The following RTN3 variants were observed in gnomAD, a reference collection of about 807,000 sequenced individuals.
RTN3 encodes reticulon-3.
Under a neutral mutation model 77.8 loss-of-function variants are expected in RTN3, and 49 were observed. That is an observed-to-expected ratio of 0.63 (90% CI 0.50 to 0.80). RTN3 has a LOEUF of 0.80. RTN3 is among the 30% of genes least tolerant of loss of function. The pLI is 0.00. For synonymous variants in RTN3, 464 were observed against 446.9 expected (o/e 1.04, Z -0.48); for missense variants, 1,236 against 1,211.9 (o/e 1.02, Z -0.29).
Position 63,758,177 on chromosome 11 carries a change from A to T in RTN3, c.3075A>T (p.Gly1025=). The T allele has an allele frequency of 6.2e-7, 1 of 1,609,264 alleles. No individual in the cohort carries two copies. The highest frequency in any genetic ancestry group is 1.1e-5 in the South Asian group (1 of 89,222). Residue 1025 remains glycine (G), a synonymous_variant, in exon 9 of 9, where the codon GGA becomes GGT. Coordinates refer to ENST00000377819, the MANE Select transcript of RTN3 (RefSeq NM_001265589.2). Reference sequence around the variant, plus strand: ...ATAGGATCCAAGCAAAACTCCCTGGAATCGCCAAAAAAAAGGCAGAATAAG... The same window carrying T: ...ATAGGATCCAAGCAAAACTCCCTGGTATCGCCAAAAAAAAGGCAGAATAAG... ...IVEKIQAKLP[G]IAKKKAE is the part of the protein sequence containing the mutation.
Position 63,756,175 on chromosome 11 carries a change from GTACATT to G in RTN3, c.3053+8_3053+13del. The G allele has an allele frequency of 6.2e-7, 1 of 1,604,348 alleles. No homozygotes were observed. Among genetic ancestry groups the G allele is most frequent in the South Asian group, 1.1e-5 (1 of 90,842 alleles). On this transcript the variant is annotated splice_donor_region_variant and intron_variant, in intron 8 of 8. Transcript: ENST00000377819. ...GACCAAGTCAATTGTTGAAAAGTAAGTACATTTAGAGACCACATCATCATGAGGTAT... is the reference window on the plus strand; with the variant it reads ...GACCAAGTCAATTGTTGAAAAGTAAGTAGAGACCACATCATCATGAGGTAT...
At chr11:63,704,561 G>A (rs1181920264) in intron 1 of RTN3, among the ~76,000 whole-genome samples, 1 of 151,810 alleles carries the variant, frequency 6.6e-6, no homozygotes, top group African/African-American at 2.4e-5. Context: ...TTGAGGTTGT[G>A]CTTAATGTAA....
intron 3 of RTN3, among the ~76,000 whole-genome samples, chr11:63,742,259 A>G (rs2013530128): frequency 6.7e-6 from 1 of 150,228 alleles, no homozygotes; most frequent in South Asian, 2.2e-4. Context: ...GATTACAGGC[A>G]TGAGCCACCG....
At chr11:63,714,398 T>C (rs1224012676) in intron 2 of RTN3, 1 of 162,938 alleles carries the variant, frequency 6.1e-6, no homozygotes, top group Non-Finnish European at 1.3e-5. Flanking sequence ...ATACCCTAAA[T>C]AGTAAGTTAT....
rs909242743 is a variant in RTN3 at position 63,716,384 on chromosome 11, A to G, written c.200-2318A>G. On this transcript the variant is annotated intron_variant, in intron 2 of 8. Transcript: ENST00000377819. The stretch of plus-strand genomic sequence containing the variant: ...AATCCCAAAAGAACTTCTCTGTCAC[A>G]TTTTCCCAGTTACTCATTCATGCTC... Among the ~76,000 whole-genome samples the G allele has an allele frequency of 5.9e-5, 9 of 152,310 alleles. No individual in the cohort carries two copies. In the East Asian group the frequency reaches 1.3e-3, roughly 23 times the overall value.
chr11:63,704,902 C>T lies in RTN3; in HGVS notation c.194C>T (p.Ser65Leu), dbSNP rs1298248225. The change falls in exon 2 of 9, where the codon TCA becomes TTA. Residue 65 changes from serine to leucine, a missense_variant. Transcript: ENST00000377819. Reference sequence around the variant, plus strand: ...CAGCCTGTATCTCTATTTTCGACCTCACAAGGCAAGTCTGTAATTTTTTTG... The same window carrying T: ...CAGCCTGTATCTCTATTTTCGACCTTACAAGGCAAGTCTGTAATTTTTTTG... ...SSQPVSLFSTSQEGLSSLCSD... is the reference protein window; with the variant it reads ...SSQPVSLFSTLQEGLSSLCSD... The T allele has an allele frequency of 1.2e-6, 2 of 1,610,524 alleles. No homozygotes were observed. Among genetic ancestry groups the T allele is most frequent in the African/African-American group, 1.3e-5 (1 of 74,922 alleles).
chr11:63,721,030 C>T lies in RTN3; in HGVS notation c.2528C>T (p.Ser843Leu). ...CTAGCAAGACTTCTGACAGACTTCT[C>T]AGGTAACCATTTATATTAGAATACT... ...HVLARLLTDF[S>L]VHDLIFWRDV... The change falls in exon 3 of 9, where the codon TCA (serine) becomes TTA (leucine). Residue 843 changes from serine (S) to leucine (L), a missense_variant and splice_region_variant. Ser to Leu is a moderately radical substitution (Grantham distance 145, BLOSUM62 -2). Coordinates refer to ENST00000377819, the MANE Select transcript of RTN3 (RefSeq NM_001265589.2). The T allele has an allele frequency of 1.9e-6, 3 of 1,584,714 alleles. No homozygotes were observed. The highest frequency in any genetic ancestry group is 2.6e-6 in the Non-Finnish European group (3 of 1,164,840).
At chr11:63,682,190 A>G (rs1377996462) in intron 1 of RTN3, among the ~76,000 whole-genome samples, 1 of 152,106 alleles carries the variant, frequency 6.6e-6, no homozygotes, top group Non-Finnish European at 1.5e-5. Flanking sequence ...TTTTGAGGGG[A>G]TGGTGGTGAA....
At chr11:63,727,918 C>T (rs1182521981) in intron 3 of RTN3, among the ~76,000 whole-genome samples, 2 of 152,170 alleles carry the variant, frequency 1.3e-5, no homozygotes, top group Non-Finnish European at 2.9e-5. Context: ...GAAAGACGCT[C>T]ATCAAACACC....
intron 3 of RTN3, among the ~76,000 whole-genome samples, chr11:63,723,681 C>T (rs1185851121): frequency 6.6e-6 from 1 of 152,096 alleles, no homozygotes; most frequent in Admixed American, 6.6e-5. Flanking sequence ...CCTGCGTTGG[C>T]CTCTCAAAGT....
intron 3 of RTN3, among the ~76,000 whole-genome samples, chr11:63,747,803 T>C (rs1156620521): frequency 6.6e-6 from 1 of 152,230 alleles, no homozygotes; most frequent in East Asian, 1.9e-4. Context: ...TCTTTATTCC[T>C]TAAACTCTAG....
chr11:63,709,688 C>A (rs1300031175), intron 2 of RTN3, among the ~76,000 whole-genome samples: 4 of 151,928 alleles, frequency 2.6e-5, no homozygotes, highest in Non-Finnish European at 4.4e-5. Flanking sequence ...TATTTTGATG[C>A]TGTGGCTGCA....
chr11:63,697,037 AC>A lies in RTN3; in HGVS notation c.143-7812del, dbSNP rs1238459979. On this transcript the variant is annotated intron_variant, in intron 1 of 8. Transcript: ENST00000377819. ...GTAGCTGGGACTACAGACGCCTGCC[AC>A]CATACCCGACTAATTTTTTGTATTT... Among the ~76,000 whole-genome samples, 5 of 150,434 alleles carry A rather than the reference AC, an allele frequency of 3.3e-5. No individual in the cohort carries two copies. In the East Asian group the frequency reaches 1.0e-3, roughly 30 times the overall value.
At chr11:63,756,081 C>T (rs1261980538) in intron 7 of RTN3, 31 bp from the exon 8 acceptor site, 1 of 1,557,066 alleles carries the variant, frequency 6.4e-7, no homozygotes, top group South Asian at 1.1e-5. Flanking sequence ...CTGTATGTTA[C>T]CACAACTGAA....
intron 2 of RTN3, 25 bp downstream of exon 2, chr11:63,704,932 C>A: frequency 8.9e-6 from 14 of 1,569,124 alleles, no homozygotes; most frequent in Non-Finnish European, 1.2e-5. Context: ...TTTTTGTGTG[C>A]ATTGGTAAAA....
At chr11:63,738,570 A>C (rs1325362871) in intron 3 of RTN3, among the ~76,000 whole-genome samples, 1 of 151,660 alleles carries the variant, frequency 6.6e-6, no homozygotes. Context: ...TGAGCTCGGG[A>C]AGTCGAGGCT....
At chr11:63,753,284 G>A (rs929049677) in intron 6 of RTN3, 146 bp downstream of exon 6, 19 of 706,294 alleles carry the variant, frequency 2.7e-5, no homozygotes, top group Non-Finnish European at 4.0e-5. Flanking sequence ...TGGAGGAACC[G>A]GAGTTTGTGG....
In RTN3 at chr11:63,720,969, A is replaced by G; in HGVS notation, c.2467A>G (p.Ser823Gly). ...RETTRVDAVSSLSKTELVKKH... is the reference protein window; with the variant it reads ...RETTRVDAVSGLSKTELVKKH... ...AACTACTAGGGTAGATGCTGTTTCC[A>G]GCCTTAGCAAGACTGAATTGGTAAA... Residue 823 changes from serine (S) to glycine (G), a missense_variant, in exon 3 of 9, where the codon AGC (serine) becomes GGC (glycine). Physicochemically the swap from Ser to Gly is moderately conservative, Grantham distance 56. Transcript: ENST00000377819. 6.2e-7 allele frequency: 1 copy of G among 1,613,340 alleles called. No individual in the cohort carries two copies. The highest frequency in any genetic ancestry group is 8.5e-7 in the Non-Finnish European group (1 of 1,179,564).
intron 1 of RTN3, among the ~76,000 whole-genome samples, chr11:63,696,925 C>T (rs1262038749): frequency 5.9e-5 from 8 of 136,144 alleles, no homozygotes; most frequent in Non-Finnish European, 9.3e-5. Flanking sequence ...TGCTCTGTCG[C>T]CCAGGCTGGA....
Sources: allele counts gnomAD v4.1 joint callset (sites outside exome capture counted in the v4.1 genomes callset), GRCh38; gene constraint gnomAD v4.1.1; transcripts MANE v1.5; gene names NCBI Gene and HGNC (gene_info 2026-07-23, HGNC 2026-07-21).